The following RPS6KC1 variants were observed in gnomAD, a reference collection of about 807,000 sequenced individuals.
The protein encoded by RPS6KC1 is ribosomal protein S6 kinase C1.
A neutral mutation model predicts 103.8 loss-of-function variants in RPS6KC1; 54 were observed. That is an observed-to-expected ratio of 0.52 (90% CI 0.42 to 0.65). The LOEUF is 0.65. Among genes scored for constraint, RPS6KC1 ranks in the 30% least tolerant of loss-of-function variants. The pLI, the probability that RPS6KC1 is intolerant of heterozygous loss-of-function variation, is 0.00. For synonymous variants in RPS6KC1, 439 were observed against 438.7 expected (o/e 1.00, Z -0.01); for missense variants, 1,151 against 1,253.8 (o/e 0.92, Z 1.24).
chr1:213,164,288 T>C (rs1397306206), intron 6 of RPS6KC1, among the ~76,000 whole-genome samples: 1 of 152,238 alleles, frequency 6.6e-6, no homozygotes, highest in African/African-American at 2.4e-5. Context: ...TAAACTTTTC[T>C]TAGTGACTGA....
chr1:213,563,693 G>T, the RPS6KC1 span, among the ~76,000 whole-genome samples: 79 of 152,198 alleles, frequency 5.2e-4, 1 homozygote, highest in Non-Finnish European at 1.1e-3. Flanking sequence ...TTTCCAGGGA[G>T]TACCAATCAT....
chr1:213,444,125 A>G, the RPS6KC1 span, among the ~76,000 whole-genome samples: 1 of 152,062 alleles, frequency 6.6e-6, no homozygotes, highest in Non-Finnish European at 1.5e-5. Context: ...AATCTTTAGC[A>G]TTCCTTGGCT....
At chr1:213,088,177 G>T (rs2080600216) in intron 3 of RPS6KC1, among the ~76,000 whole-genome samples, 1 of 152,060 alleles carries the variant, frequency 6.6e-6, no homozygotes, top group Non-Finnish European at 1.5e-5. Flanking sequence ...ATGGCCCAGG[G>T]AACCTAGCAA....
intron 8 of RPS6KC1, among the ~76,000 whole-genome samples, chr1:213,209,549 G>A (rs914955814): frequency 1.3e-5 from 2 of 152,004 alleles, no homozygotes; most frequent in South Asian, 2.1e-4. Context: ...TACAAAATTA[G>A]CTTGGTGTGG....
the RPS6KC1 span, among the ~76,000 whole-genome samples, chr1:213,631,316 G>A: frequency 6.7e-6 from 1 of 150,036 alleles, no homozygotes; most frequent in African/African-American, 2.5e-5. Flanking sequence ...GCTGGGAGCT[G>A]TAGACTGGAG....
intron 1 of RPS6KC1, among the ~76,000 whole-genome samples, chr1:213,062,131 T>C (rs2077893765): frequency 6.6e-6 from 1 of 152,224 alleles, no homozygotes; most frequent in African/African-American, 2.4e-5. Flanking sequence ...TTAGCATCCC[T>C]ATTCTGAAAG....
At chr1:213,396,926 G>A in the RPS6KC1 span, among the ~76,000 whole-genome samples, 1 of 152,202 alleles carries the variant, frequency 6.6e-6, no homozygotes, top group Non-Finnish European at 1.5e-5. Context: ...CTCCACGATG[G>A]CCAGGGTGTT....
intron 12 of RPS6KC1, among the ~76,000 whole-genome samples, chr1:213,260,361 A>T (rs1380229672): frequency 1.3e-5 from 2 of 152,178 alleles, no homozygotes; most frequent in Non-Finnish European, 2.9e-5. Flanking sequence ...TTTGAACCTC[A>T]GAAAAAGGGA....
the RPS6KC1 span, among the ~76,000 whole-genome samples, chr1:213,709,916 G>T: frequency 6.6e-6 from 1 of 152,146 alleles, no homozygotes; most frequent in East Asian, 1.9e-4. Flanking sequence ...TTTTGCATTT[G>T]CTGTGGAGTG....
the RPS6KC1 span, among the ~76,000 whole-genome samples, chr1:213,541,421 A>C: frequency 3.3e-5 from 5 of 152,048 alleles, no homozygotes; most frequent in Non-Finnish European, 7.4e-5. Context: ...GAAAAATGGC[A>C]CCAATACACT....
At chr1:213,626,644 T>C in the RPS6KC1 span, among the ~76,000 whole-genome samples, 7 of 152,378 alleles carry the variant, frequency 4.6e-5, no homozygotes, top group South Asian at 1.4e-3. Flanking sequence ...TTTCTACATA[T>C]GGCTAGCCAG....
At chr1:213,212,287 A>C (rs1573319598) in intron 8 of RPS6KC1, among the ~76,000 whole-genome samples, 1 of 151,418 alleles carries the variant, frequency 6.6e-6, no homozygotes, top group South Asian at 2.1e-4. Flanking sequence ...CTATCTCCAC[A>C]GTTTTGCCTT....
the RPS6KC1 span, among the ~76,000 whole-genome samples, chr1:213,607,128 C>G: frequency 6.6e-6 from 1 of 152,162 alleles, no homozygotes; most frequent in Non-Finnish European, 1.5e-5. Flanking sequence ...GAGGCATGCT[C>G]TCCCCTGCAA....
chr1:213,786,384 A>G, the RPS6KC1 span, among the ~76,000 whole-genome samples: 5 of 152,164 alleles, frequency 3.3e-5, no homozygotes, highest in Admixed American at 2.0e-4. Context: ...ATATTTCCAT[A>G]TCTCTGTAGT....
At chr1:213,244,315 A>C (rs909006083) in intron 12 of RPS6KC1, among the ~76,000 whole-genome samples, 1 of 152,132 alleles carries the variant, frequency 6.6e-6, no homozygotes, top group East Asian at 1.9e-4. Flanking sequence ...TTTAGAATCA[A>C]ACTTAATTTG....
the RPS6KC1 span, among the ~76,000 whole-genome samples, chr1:213,798,741 G>A: frequency 1.3e-5 from 2 of 152,138 alleles, no homozygotes; most frequent in Admixed American, 1.3e-4. Context: ...GCAGAAAGAG[G>A]GCAATATTTA....
chr1:213,231,368 TAAG>T (rs2094101657), intron 9 of RPS6KC1, among the ~76,000 whole-genome samples: 1 of 152,184 alleles, frequency 6.6e-6, no homozygotes, highest in South Asian at 2.1e-4. Flanking sequence ...ACTAAATGAA[TAAG>T]GAGAGAGAGA....
the RPS6KC1 span, among the ~76,000 whole-genome samples, chr1:213,605,299 C>A: frequency 6.6e-6 from 1 of 152,168 alleles, no homozygotes; most frequent in Non-Finnish European, 1.5e-5. Context: ...CTTAAAAAGT[C>A]ACAGTTTCTT....
the RPS6KC1 span, among the ~76,000 whole-genome samples, chr1:213,600,453 A>G: frequency 1.3e-5 from 2 of 152,208 alleles, no homozygotes; most frequent in African/African-American, 2.4e-5. Flanking sequence ...TTCTGGGAAC[A>G]TAACTTGTTT....
Sources: allele counts gnomAD v4.1 joint callset (sites outside exome capture counted in the v4.1 genomes callset), GRCh38; gene constraint gnomAD v4.1.1; transcripts MANE v1.5; gene names NCBI Gene and HGNC (gene_info 2026-07-23, HGNC 2026-07-21).